Variants in ASIC2 observed in about 807,000 individuals in gnomAD.
The protein encoded by ASIC2 is acid-sensing ion channel 2.
In ASIC2, 25 loss-of-function variants were observed where a neutral mutation model predicts 57.3. That is an observed-to-expected ratio of 0.44 (90% CI 0.32 to 0.61). The LOEUF is 0.61. Among genes scored for constraint, ASIC2 ranks in the 20% least tolerant of loss-of-function variants. The pLI is 0.06. For missense variants in ASIC2, 641 were observed against 738.1 expected (o/e 0.87, Z 1.52); for synonymous variants, 319 against 307.5 (o/e 1.04, Z -0.39).
At chr17:33,459,630 G>A (rs1912568762) in intron 1 of ASIC2, among the ~76,000 whole-genome samples, 1 of 152,206 alleles carries the variant, frequency 6.6e-6, no homozygotes, top group Non-Finnish European at 1.5e-5. Context: ...AGTAAGCGGT[G>A]GTGAATTCAT....
At chr17:33,750,329 G>A (rs1910389905) in intron 1 of ASIC2, among the ~76,000 whole-genome samples, 2 of 152,112 alleles carry the variant, frequency 1.3e-5, no homozygotes, top group Admixed American at 6.5e-5. Context: ...GCAAGGAACT[G>A]AGGGGGAAAC....
At chr17:33,325,255 GAGA>G (rs1402014251) in intron 1 of ASIC2, among the ~76,000 whole-genome samples, 1 of 152,190 alleles carries the variant, frequency 6.6e-6, no homozygotes, top group Non-Finnish European at 1.5e-5. Context: ...AACTGATAGG[GAGA>G]AGGAGAGGAA....
At chr17:34,024,868 C>T (rs1261461216) in intron 1 of ASIC2, among the ~76,000 whole-genome samples, 1 of 152,180 alleles carries the variant, frequency 6.6e-6, no homozygotes, top group Non-Finnish European at 1.5e-5. Context: ...GTCTGCTGAG[C>T]AAATGAATGG....
intron 1 of ASIC2, among the ~76,000 whole-genome samples, chr17:33,957,973 G>A (rs72821051): frequency 1.3e-5 from 2 of 152,128 alleles, no homozygotes; most frequent in African/African-American, 4.8e-5. Context: ...ATTCCGAAAG[G>A]GAGAAATTGG....
At chr17:33,679,180 G>A (rs953858114) in intron 1 of ASIC2, among the ~76,000 whole-genome samples, 3 of 152,168 alleles carry the variant, frequency 2.0e-5, no homozygotes, top group African/African-American at 7.2e-5. Context: ...ACGTGTTACA[G>A]TTACATATGA....
chr17:33,285,219 C>A (rs779193830), intron 1 of ASIC2, among the ~76,000 whole-genome samples: 1 of 152,234 alleles, frequency 6.6e-6, no homozygotes, highest in Non-Finnish European at 1.5e-5. Flanking sequence ...CTATCAGAAT[C>A]ATCCTGATGT....
At chr17:33,546,280 C>T (rs752392621) in intron 1 of ASIC2, among the ~76,000 whole-genome samples, 32 of 152,014 alleles carry the variant, frequency 2.1e-4, no homozygotes, top group Non-Finnish European at 3.7e-4. Context: ...GCTATGTCCT[C>T]TATGGAATTT....
At chr17:33,931,912 C>T (rs780119336) in intron 1 of ASIC2, among the ~76,000 whole-genome samples, 9 of 152,202 alleles carry the variant, frequency 5.9e-5, no homozygotes, top group African/African-American at 1.9e-4. Flanking sequence ...GGCGCTGATT[C>T]CAGTAGACCT....
chr17:33,627,925 G>A (rs928807215), intron 1 of ASIC2, among the ~76,000 whole-genome samples: 13 of 152,132 alleles, frequency 8.5e-5, no homozygotes, highest in Non-Finnish European at 1.5e-4. Flanking sequence ...AGCTACTCGG[G>A]AGGCTGAGGC....
At chr17:33,853,795 ATAAG>A (rs768951307) in intron 1 of ASIC2, among the ~76,000 whole-genome samples, 27 of 152,180 alleles carry the variant, frequency 1.8e-4, no homozygotes, top group Admixed American at 4.6e-4. Flanking sequence ...CGCTGATTTG[ATAAG>A]TAAGAGGGCA....
At chr17:33,619,989 T>C (rs1905732968) in intron 1 of ASIC2, among the ~76,000 whole-genome samples, 1 of 152,282 alleles carries the variant, frequency 6.6e-6, no homozygotes, top group South Asian at 2.1e-4. Context: ...GCGATTGTTA[T>C]GTGACTTTAT....
intron 1 of ASIC2, among the ~76,000 whole-genome samples, chr17:33,288,609 G>A (rs763296937): frequency 3.3e-5 from 5 of 152,102 alleles, no homozygotes; most frequent in Non-Finnish European, 7.4e-5. Context: ...GGGATGCAGG[G>A]TGTTGGCTGG....
intron 1 of ASIC2, among the ~76,000 whole-genome samples, chr17:33,277,190 A>G (rs1904738783): frequency 6.6e-6 from 1 of 152,188 alleles, no homozygotes. Context: ...CCAAGGATTC[A>G]ATTCCCTGTG....
intron 1 of ASIC2, among the ~76,000 whole-genome samples, chr17:33,429,443 T>A (rs1027557498): frequency 2.0e-5 from 3 of 152,018 alleles, no homozygotes; most frequent in Admixed American, 6.6e-5. Context: ...CAGGCTGGAG[T>A]GCAGTGGCGT....
At chr17:33,065,338 C>T (rs1231151686) in intron 3 of ASIC2, among the ~76,000 whole-genome samples, 1 of 149,682 alleles carries the variant, frequency 6.7e-6, no homozygotes, top group East Asian at 1.9e-4. Flanking sequence ...TCACCACTTC[C>T]TGCTATTTTT....
intron 1 of ASIC2, among the ~76,000 whole-genome samples, chr17:33,684,321 G>A (rs770003721): frequency 3.3e-5 from 5 of 152,194 alleles, no homozygotes; most frequent in East Asian, 1.9e-4. Context: ...CGACCCTGGG[G>A]TGGGGAGGGG....
At chr17:34,041,857 G>T (rs756015982) in intron 1 of ASIC2, among the ~76,000 whole-genome samples, 35 of 152,268 alleles carry the variant, frequency 2.3e-4, no homozygotes, top group Middle Eastern at 3.4e-3. Flanking sequence ...TCCTCCCTCT[G>T]ATCCATCCTG....
intron 1 of ASIC2, among the ~76,000 whole-genome samples, chr17:33,944,778 C>A (rs1916270428): frequency 6.6e-6 from 1 of 152,196 alleles, no homozygotes. Flanking sequence ...CTCAAGGCTG[C>A]AGGGGTTGTG....
chr17:33,995,631 C>T (rs74475406), intron 1 of ASIC2, among the ~76,000 whole-genome samples: 719 of 152,036 alleles, frequency 4.7e-3, no homozygotes, highest in Non-Finnish European at 6.9e-3. Flanking sequence ...TACATACACA[C>T]GCATATAAAC....
Sources: gnomAD v4.1 joint callset for allele counts (sites outside exome capture counted in the v4.1 genomes callset) on GRCh38, gnomAD v4.1.1 for gene constraint, MANE v1.5 for transcripts, NCBI Gene and HGNC (gene_info 2026-07-23, HGNC 2026-07-21) for gene names.